Variants in CSMD1 observed in about 807,000 individuals in gnomAD.
CSMD1 encodes the protein CUB and Sushi multiple domains 1, also known as CUB and sushi domain-containing protein 1.
Under a neutral mutation model 417.5 loss-of-function variants are expected in CSMD1, and 213 were observed. The observed-to-expected ratio is 0.51, with a 90% CI of 0.46 to 0.57. The LOEUF is 0.57. Among genes scored for constraint, CSMD1 ranks in the 20% least tolerant of loss-of-function variants. The pLI, the probability that CSMD1 is intolerant of heterozygous loss-of-function variation, is 0.00. For synonymous variants in CSMD1, 2,862 were observed against 1,736.8 expected, an observed-to-expected ratio of 1.65 and a Z score of -16.11; for missense variants, 6,923 against 4,529.7, an observed-to-expected ratio of 1.53 and a Z score of -15.17.
intron 1 of CSMD1, among the ~76,000 whole-genome samples, chr8:4,744,835 A>G (rs1810851220): frequency 6.6e-6 from 1 of 152,168 alleles, no homozygotes; most frequent in African/African-American, 2.4e-5. Flanking sequence ...ATAAGAAAGT[A>G]TGTTTTTCTA....
intron 1 of CSMD1, among the ~76,000 whole-genome samples, chr8:4,721,466 C>T (rs1230040513): frequency 1.3e-5 from 2 of 152,124 alleles, no homozygotes; most frequent in East Asian, 1.9e-4. Context: ...CTGGAAGATG[C>T]TCAACATCAC....
At chr8:3,483,939 AC>A (rs1563081602) in intron 11 of CSMD1, among the ~76,000 whole-genome samples, 1 of 151,924 alleles carries the variant, frequency 6.6e-6, no homozygotes, top group African/African-American at 2.4e-5. Context: ...TTCACAGGAC[AC>A]ATAGTGTTCA....
At chr8:3,489,809 A>T (rs1443198401) in intron 11 of CSMD1, among the ~76,000 whole-genome samples, 1 of 152,216 alleles carries the variant, frequency 6.6e-6, no homozygotes, top group Non-Finnish European at 1.5e-5. Context: ...CTTAAAATCG[A>T]GATGTAACTA....
chr8:3,963,771 G>A (rs1337240866), intron 5 of CSMD1, among the ~76,000 whole-genome samples: 4 of 152,278 alleles, frequency 2.6e-5, no homozygotes, highest in East Asian at 1.9e-4. Flanking sequence ...TATAGTATAT[G>A]TATAGCAACC....
chr8:3,312,473 G>GAGGA (rs1805425713), intron 23 of CSMD1, among the ~76,000 whole-genome samples: 1 of 152,134 alleles, frequency 6.6e-6, no homozygotes, highest in Non-Finnish European at 1.5e-5. Context: ...CTGTCAGAAA[G>GAGGA]TTGAAAGTAT....
intron 28 of CSMD1, among the ~76,000 whole-genome samples, chr8:3,222,423 C>G (rs1430745747): frequency 1.3e-5 from 2 of 152,076 alleles, no homozygotes; most frequent in Non-Finnish European, 2.9e-5. Context: ...AGTCCTCCTG[C>G]CTCAGCCTCT....
At chr8:4,432,215 T>G (rs1315790571) in intron 2 of CSMD1, among the ~76,000 whole-genome samples, 1 of 152,178 alleles carries the variant, frequency 6.6e-6, no homozygotes, top group East Asian at 1.9e-4. Context: ...AATTTAAAAA[T>G]TTTGTCAAAT....
At position 4,638,999 on chromosome 8, in the gene CSMD1, G is replaced by T. The variant is rs150396206; in HGVS notation, c.86-1441C>A. ...CCCAGGCTTCCTGCAAGAACCAAGCGCTGAAAGAACAGCTCTGGGAGATTA... is the reference window on the plus strand; with the variant it reads ...CCCAGGCTTCCTGCAAGAACCAAGCTCTGAAAGAACAGCTCTGGGAGATTA... On this transcript the variant is annotated intron_variant, in intron 1 of 69. Transcript: ENST00000635120. Among the ~76,000 whole-genome samples the T allele has an allele frequency of 2.0e-5, 3 of 152,086 alleles. No homozygotes were observed. In the South Asian group the frequency reaches 6.2e-4, roughly 31 times the overall value.
chr8:3,106,552 C>G lies in CSMD1; in HGVS notation c.6925G>C (p.Glu2309Gln). 1 of 1,613,704 alleles carries G rather than the reference C, an allele frequency of 6.2e-7. No homozygotes were observed. Among genetic ancestry groups the G allele is most frequent in the Non-Finnish European group, 8.5e-7 (1 of 1,179,658 alleles). The change falls in exon 46 of 70, where the codon GAG (glutamate) becomes CAG (glutamine). Residue 2309 changes from glutamate to glutamine, a missense_variant. Transcript: ENST00000635120. ...CCTTCACATGTTGGGAGAGAACCCTCAAACTGCAACTGGGAACTGAGCTTG... is the reference window on the plus strand; with the variant it reads ...CCTTCACATGTTGGGAGAGAACCCTGAAACTGCAACTGGGAACTGAGCTTG... ...TCKLSSQLQF[E>Q]GSLPTCEAQC...
At chr8:3,249,339 C>A (rs1800107902) in intron 26 of CSMD1, among the ~76,000 whole-genome samples, 1 of 152,140 alleles carries the variant, frequency 6.6e-6, no homozygotes, top group African/African-American at 2.4e-5. Flanking sequence ...CTCAATGCCT[C>A]AGCCACCCGA....
At chr8:3,302,577 C>A (rs1461455148) in intron 25 of CSMD1, among the ~76,000 whole-genome samples, 1 of 152,208 alleles carries the variant, frequency 6.6e-6, no homozygotes, top group Non-Finnish European at 1.5e-5. Context: ...ACATCAAGTG[C>A]ACTGATCACT....
At chr8:3,805,462 C>G (rs1284835250) in intron 5 of CSMD1, among the ~76,000 whole-genome samples, 1 of 152,174 alleles carries the variant, frequency 6.6e-6, no homozygotes, top group Admixed American at 6.6e-5. Flanking sequence ...CTACTCCCTC[C>G]CTCTTTCTGA....
chr8:4,621,248 T>C (rs1242928063), intron 2 of CSMD1, among the ~76,000 whole-genome samples: 1 of 152,106 alleles, frequency 6.6e-6, no homozygotes, highest in African/African-American at 2.4e-5. Flanking sequence ...CATGTACATC[T>C]TATATACATA....
At chr8:4,242,974 T>G (rs1364546819) in intron 3 of CSMD1, among the ~76,000 whole-genome samples, 1 of 152,202 alleles carries the variant, frequency 6.6e-6, no homozygotes, top group Non-Finnish European at 1.5e-5. Flanking sequence ...TTTAAAATTT[T>G]ATGTGTAGTG....
intron 3 of CSMD1, among the ~76,000 whole-genome samples, chr8:4,358,859 C>T (rs1192327939): frequency 6.6e-6 from 1 of 152,054 alleles, no homozygotes; most frequent in Non-Finnish European, 1.5e-5. Context: ...AACTTTTAAA[C>T]ACGGTTTTAC....
At chr8:3,892,466 C>T (rs1016586716) in intron 5 of CSMD1, among the ~76,000 whole-genome samples, 1 of 151,974 alleles carries the variant, frequency 6.6e-6, no homozygotes, top group African/African-American at 2.4e-5. Flanking sequence ...TCATTCAGGC[C>T]CCAACTAAGT....
intron 6 of CSMD1, among the ~76,000 whole-genome samples, chr8:3,735,011 G>C (rs559344377): frequency 1.2e-4 from 19 of 152,316 alleles, no homozygotes; most frequent in African/African-American, 3.6e-4. Flanking sequence ...AGAGGAGTGA[G>C]GAGGGAATGC....
rs1244166894 is a variant in CSMD1 at position 4,787,914 on chromosome 8, G to A, written c.86-150356C>T. 5.0e-6 allele frequency: 8 copies of A among 1,590,644 alleles called. No homozygotes were observed. In the South Asian group the frequency reaches 9.0e-5, roughly 18 times the overall value. On this transcript the variant is annotated intron_variant, in intron 1 of 69. Coordinates refer to ENST00000635120, the MANE Select transcript of CSMD1 (RefSeq NM_033225.6). ...AATTTGGTGTTGATGTAACCACAAA[G>A]AAATTGTTCTTGCTGATGTAATTGA...
At chr8:2,944,559 G>A (rs531812748) in intron 68 of CSMD1, among the ~76,000 whole-genome samples, 1 of 152,302 alleles carries the variant, frequency 6.6e-6, no homozygotes, top group South Asian at 2.1e-4. Flanking sequence ...TCACAAAAAT[G>A]TAACTTTCCT....
Sources: gnomAD v4.1 joint callset for allele counts (sites outside exome capture counted in the v4.1 genomes callset) on GRCh38, gnomAD v4.1.1 for gene constraint, MANE v1.5 for transcripts, NCBI Gene and HGNC (gene_info 2026-07-23, HGNC 2026-07-21) for gene names.